LHCGR: variants seen among roughly 807,000 people sequenced by gnomAD.
LHCGR encodes luteinizing hormone/choriogonadotropin receptor.
Under a neutral mutation model 60.7 loss-of-function variants are expected in LHCGR, and 55 were observed. That is an observed-to-expected ratio of 0.91 (90% CI 0.73 to 1.13). The LOEUF (loss-of-function observed/expected upper bound fraction) is 1.13, where lower values mean the gene tolerates loss of function less well. Among genes scored for constraint, LHCGR ranks in the 50% most tolerant of loss-of-function variants. LHCGR has a pLI of 0.00. For synonymous variants in LHCGR, 337 were observed against 316.5 expected (o/e 1.06, Z -0.69); for missense variants, 862 against 836.0 (o/e 1.03, Z -0.38).
intron 6 of LHCGR, among the ~76,000 whole-genome samples, chr2:48,717,209 A>G (rs1668288015): frequency 6.6e-6 from 1 of 152,212 alleles, no homozygotes; most frequent in Non-Finnish European, 1.5e-5. Flanking sequence ...AGTTGTCTAG[A>G]TGCCCATTAT....
chr2:48,705,286 T>G (rs1667609031), intron 8 of LHCGR, among the ~76,000 whole-genome samples: 1 of 152,186 alleles, frequency 6.6e-6, no homozygotes, highest in African/African-American at 2.4e-5. Context: ...CTTTTACATT[T>G]GGTGAGGAGT....
At chr2:48,745,462 A>T (rs1669657560) in intron 1 of LHCGR, among the ~76,000 whole-genome samples, 1 of 152,210 alleles carries the variant, frequency 6.6e-6, no homozygotes, top group Non-Finnish European at 1.5e-5. Context: ...TCCAACAATG[A>T]TAGACTGGAT....
intron 8 of LHCGR, among the ~76,000 whole-genome samples, chr2:48,702,928 C>T (rs1290485831): frequency 1.3e-5 from 2 of 152,228 alleles, no homozygotes; most frequent in Non-Finnish European, 2.9e-5. Flanking sequence ...TCCTCTCCAG[C>T]ATCTGTTGTG....
At chr2:48,692,666 G>A (rs756052504) in intron 10 of LHCGR, among the ~76,000 whole-genome samples, 3 of 152,120 alleles carry the variant, frequency 2.0e-5, no homozygotes, top group African/African-American at 7.2e-5. Context: ...AAGAAAGAAA[G>A]GAGAAAAGAT....
intron 9 of LHCGR, 98 bp downstream of exon 9, chr2:48,698,517 G>A: frequency 1.1e-6 from 1 of 921,828 alleles, no homozygotes; most frequent in South Asian, 1.3e-5. Context: ...CAAGAAGGTA[G>A]GGAGTGAAGG....
intron 8 of LHCGR, among the ~76,000 whole-genome samples, chr2:48,708,265 T>C (rs1667796090): frequency 6.6e-6 from 1 of 152,130 alleles, no homozygotes; most frequent in South Asian, 2.1e-4. Flanking sequence ...TCCAACCAAG[T>C]GCCAGGGGCA....
intron 8 of LHCGR, 53 bp from the exon 9 acceptor site, chr2:48,698,853 T>G: frequency 6.8e-7 from 1 of 1,478,710 alleles, no homozygotes; most frequent in Non-Finnish European, 9.2e-7. Flanking sequence ...ATACATTTTT[T>G]TTTTTTGAGA....
In LHCGR at chr2:48,688,229, A is replaced by C; in HGVS notation, c.1568T>G (p.Leu523Arg). The C allele has an allele frequency of 6.2e-7, 1 of 1,614,192 alleles. No homozygotes were observed. The highest frequency in any genetic ancestry group is 8.5e-7 in the Non-Finnish European group (1 of 1,180,020). The change falls in exon 11 of 11, where the codon CTC becomes CGC. Residue 523 changes from leucine to arginine, a missense_variant. Leu to Arg is a moderately radical substitution (Grantham distance 102, BLOSUM62 -2). Coordinates refer to ENST00000294954, the MANE Select transcript of LHCGR (RefSeq NM_000233.4). This position sits in a 1 kb window ranked among gnomAD's most constrained non-coding sequence, Gnocchi z 5.2. ...GATGGTTAATATATAGACTTGTGAG[A>C]GAGTGGTTTCCACATCCATGGGGAA... The part of the protein sequence containing the change: ...ICFPMDVETT[L>R]SQVYILTILI...
intron 3 of LHCGR, among the ~76,000 whole-genome samples, chr2:48,727,255 G>C (rs929380186): frequency 1.3e-5 from 2 of 151,050 alleles, no homozygotes; most frequent in African/African-American, 2.4e-5. Flanking sequence ...GTGAGACCCT[G>C]TATAAAAAAA....
intron 1 of LHCGR, among the ~76,000 whole-genome samples, chr2:48,746,569 A>G (rs957938228): frequency 1.3e-5 from 2 of 152,354 alleles, no homozygotes; most frequent in African/African-American, 2.4e-5. Context: ...TAAGACAGCC[A>G]TTCCGCAGCA....
At chr2:48,736,300 C>T (rs1411988134) in intron 1 of LHCGR, among the ~76,000 whole-genome samples, 1 of 152,156 alleles carries the variant, frequency 6.6e-6, no homozygotes, top group African/African-American at 2.4e-5. Flanking sequence ...GCCCCCTTGC[C>T]TCCGGGTGGG....
At chr2:48,732,848 C>G (rs764428669) in intron 1 of LHCGR, 3 of 534,202 alleles carry the variant, frequency 5.6e-6, no homozygotes, top group East Asian at 5.4e-5. Flanking sequence ...ATGATATAAC[C>G]TAGAGAAAGT....
intron 1 of LHCGR, among the ~76,000 whole-genome samples, chr2:48,746,487 A>C (rs1238319469): frequency 1.3e-5 from 2 of 152,210 alleles, no homozygotes; most frequent in Non-Finnish European, 2.9e-5. Context: ...TTTGCATTTG[A>C]GCATTGATTG....
intron 6 of LHCGR, chr2:48,721,425 C>A (rs1387755129): frequency 4.0e-6 from 1 of 249,628 alleles, no homozygotes; most frequent in African/African-American, 2.2e-5. Context: ...GAATCTCTTT[C>A]CTGGTGTTTG....
intron 1 of LHCGR, among the ~76,000 whole-genome samples, chr2:48,737,991 C>T (rs907189975): frequency 2.0e-5 from 3 of 152,186 alleles, no homozygotes; most frequent in Non-Finnish European, 4.4e-5. Context: ...CTGTTGTCCT[C>T]CAACAATCAA....
At chr2:48,693,864 T>C (rs1474844203) in intron 10 of LHCGR, among the ~76,000 whole-genome samples, 3 of 152,190 alleles carry the variant, frequency 2.0e-5, no homozygotes, top group Non-Finnish European at 4.4e-5. Flanking sequence ...AATTAGTTAA[T>C]CTTTGTGGAA....
chr2:48,742,873 A>C (rs1669526277), intron 1 of LHCGR, among the ~76,000 whole-genome samples: 1 of 152,180 alleles, frequency 6.6e-6, no homozygotes, highest in African/African-American at 2.4e-5. Context: ...AGAGACACAA[A>C]AAACCCTTCA....
At chr2:48,704,503 T>A (rs369291356) in intron 8 of LHCGR, among the ~76,000 whole-genome samples, 1 of 152,348 alleles carries the variant, frequency 6.6e-6, no homozygotes, top group East Asian at 1.9e-4. Context: ...AATTCAGCTG[T>A]GAATCTGCCT....
chr2:48,727,901 A>T (rs537338493), intron 3 of LHCGR, among the ~76,000 whole-genome samples: 1 of 152,300 alleles, frequency 6.6e-6, no homozygotes, highest in South Asian at 2.1e-4. Flanking sequence ...TGGGTCATTT[A>T]TAGGGGGACC....
Sources: gnomAD v4.1 joint callset for allele counts (sites outside exome capture counted in the v4.1 genomes callset) on GRCh38, gnomAD v4.1.1 for gene constraint, Gnocchi (gnomAD v3.1) non-coding constraint, MANE v1.5 for transcripts, NCBI Gene and HGNC (gene_info 2026-07-23, HGNC 2026-07-21) for gene names.